Variants in MARK1 observed in about 807,000 individuals in gnomAD.
The protein encoded by MARK1 is serine/threonine-protein kinase MARK1.
A neutral mutation model predicts 96.3 loss-of-function variants in MARK1; 40 were observed. That is an observed-to-expected ratio of 0.42 (90% CI 0.32 to 0.54). The LOEUF (loss-of-function observed/expected upper bound fraction) is 0.54, where lower values mean the gene tolerates loss of function less well. Ranked by LOEUF, MARK1 falls within the 20% of genes least tolerant of loss-of-function variation. The pLI is 0.16. For missense variants in MARK1, 719 were observed against 984.6 expected, an observed-to-expected ratio of 0.73 and a Z score of 3.61; for synonymous variants, 317 against 341.2, an observed-to-expected ratio of 0.93 and a Z score of 0.78.
chr1:220,637,074 T>C (rs1668005813), intron 13 of MARK1, among the ~76,000 whole-genome samples: 1 of 152,176 alleles, frequency 6.6e-6, no homozygotes, highest in African/African-American at 2.4e-5. Flanking sequence ...ACAAAAACCA[T>C]GTTCTTTGGC....
Position 220,661,829 on chromosome 1 carries a change from C to G in MARK1, c.2051C>G (p.Pro684Arg). ...TDTSRSTSGE[P>R]KERDKEEGKD... ...TGTTCCAGAAGTACATCAGGGGAACCAAAAGAAAGAGACAAGGAAGAGGGT... is the reference window on the plus strand; with the variant it reads ...TGTTCCAGAAGTACATCAGGGGAACGAAAAGAAAGAGACAAGGAAGAGGGT... The change falls in exon 18 of 18, where the codon CCA becomes CGA. Residue 684 changes from proline to arginine, a missense_variant. Transcript: ENST00000366917. 6.2e-7 allele frequency: 1 copy of G among 1,607,478 alleles called. No individual in the cohort carries two copies. The highest frequency in any genetic ancestry group is 8.5e-7 in the Non-Finnish European group (1 of 1,176,076).
At chr1:220,565,610 T>C (rs1458436891) in intron 1 of MARK1, among the ~76,000 whole-genome samples, 1 of 150,340 alleles carries the variant, frequency 6.7e-6, no homozygotes, top group African/African-American at 2.5e-5. Context: ...TAACTGGGAG[T>C]GGGGAGGAAA....
At position 220,636,009 on chromosome 1, in the gene MARK1, T is replaced by C; in HGVS notation, c.1453T>C (p.Ser485Pro). The C allele has an allele frequency of 6.2e-7, 1 of 1,610,576 alleles. No individual in the cohort carries two copies. The highest frequency in any genetic ancestry group is 8.5e-7 in the Non-Finnish European group (1 of 1,178,636). ...TCTTGTAGGGCCAGAGAGGAAAAAA[T>C]CTTCAACTATTCCAAGTGTGAGTAA... is the stretch of plus-strand genomic sequence containing the variant. ...SPLVGPERKK[S>P]STIPSNNVYS... Residue 485 changes from serine to proline, a missense_variant, in exon 13 of 18, where the codon TCT becomes CCT. By Grantham distance (74) the Ser-to-Pro change is moderately conservative (BLOSUM62 -1). This residue lies in a region of MARK1 where 501 missense variants were observed against 588.3 expected (regional missense o/e 0.85). Transcript: ENST00000366917.
chr1:220,628,862 A>G (rs1667503504), intron 9 of MARK1, among the ~76,000 whole-genome samples: 1 of 151,928 alleles, frequency 6.6e-6, no homozygotes, highest in African/African-American at 2.4e-5. Flanking sequence ...CGAGGCAAGC[A>G]GATAACTTGA....
At chr1:220,575,140 A>G (rs1663746846) in intron 1 of MARK1, among the ~76,000 whole-genome samples, 1 of 152,236 alleles carries the variant, frequency 6.6e-6, no homozygotes, top group Non-Finnish European at 1.5e-5. Flanking sequence ...GGGATGCAGC[A>G]CTGAAGAGCT....
chr1:220,569,346 T>C (rs1288922783), intron 1 of MARK1, among the ~76,000 whole-genome samples: 2 of 152,122 alleles, frequency 1.3e-5, no homozygotes, highest in Admixed American at 6.6e-5. Flanking sequence ...AAGGAGAGTT[T>C]TTTAAAAAAT....
intron 6 of MARK1, among the ~76,000 whole-genome samples, chr1:220,610,608 C>T (rs1003012105): frequency 1.2e-4 from 18 of 152,282 alleles, no homozygotes; most frequent in African/African-American, 3.8e-4. Flanking sequence ...CAAGGAGCTG[C>T]GATCCTTTGG....
At chr1:220,533,952 C>T (rs1225361137) in intron 1 of MARK1, among the ~76,000 whole-genome samples, 3 of 151,956 alleles carry the variant, frequency 2.0e-5, no homozygotes, top group Non-Finnish European at 4.4e-5. Flanking sequence ...ACTATAGTTA[C>T]CATATATGTT....
At chr1:220,615,652 A>G (rs1666700642) in intron 6 of MARK1, among the ~76,000 whole-genome samples, 1 of 152,208 alleles carries the variant, frequency 6.6e-6, no homozygotes, top group Non-Finnish European at 1.5e-5. Flanking sequence ...ACATTCAGTC[A>G]CATAAACAGA....
chr1:220,597,575 A>T (rs1269933102), intron 3 of MARK1, among the ~76,000 whole-genome samples: 2 of 152,140 alleles, frequency 1.3e-5, no homozygotes, highest in African/African-American at 4.8e-5. Context: ...TTTAGATTTT[A>T]TTCTGATAAA....
chr1:220,543,545 A>G (rs560453631), intron 1 of MARK1, among the ~76,000 whole-genome samples: 4 of 152,198 alleles, frequency 2.6e-5, no homozygotes, highest in East Asian at 1.9e-4. Flanking sequence ...AGGCCATTCT[A>G]TGCCACAGAG....
Position 220,644,524 on chromosome 1 carries a change from G to A in MARK1, c.1471-6096G>A, listed in dbSNP as rs566186087. 1.0e-4 allele frequency among the ~76,000 whole-genome samples: 15 copies of A among 144,110 alleles called. No homozygotes were observed. In the South Asian group the frequency reaches 1.1e-3, roughly 11 times the overall value. 94.5% of individuals were successfully genotyped at this position (144,110 alleles called of 152,430 possible). On this transcript the variant is annotated intron_variant, in intron 13 of 17. Transcript: ENST00000366917. ...CACTGTCAGTATTAGACAGATCACC[G>A]AGACAGAAGATTAACAAGATACTCA... is the stretch of plus-strand genomic sequence containing the variant.
intron 3 of MARK1, among the ~76,000 whole-genome samples, chr1:220,587,221 C>G (rs898493374): frequency 2.6e-5 from 4 of 151,960 alleles, no homozygotes; most frequent in African/African-American, 9.7e-5. Flanking sequence ...TTAACATTGT[C>G]TTATAGTTTA....
chr1:220,534,766 A>ATACC (rs1213257658), intron 1 of MARK1, among the ~76,000 whole-genome samples: 1 of 152,160 alleles, frequency 6.6e-6, no homozygotes, highest in African/African-American at 2.4e-5. Flanking sequence ...CAAAAATGGG[A>ATACC]TCATGTAACA....
chr1:220,657,207 G>C (rs562159021), intron 16 of MARK1, among the ~76,000 whole-genome samples: 2 of 152,238 alleles, frequency 1.3e-5, no homozygotes, highest in South Asian at 4.1e-4. Flanking sequence ...TGGATATCCA[G>C]GTAAGGTCAG....
At chr1:220,615,758 G>C (rs1666705868) in intron 6 of MARK1, among the ~76,000 whole-genome samples, 181 bp from the exon 7 acceptor site, 1 of 151,940 alleles carries the variant, frequency 6.6e-6, no homozygotes, top group African/African-American at 2.4e-5. Flanking sequence ...CATATTTTCT[G>C]CATTTAACAG....
chr1:220,589,397 A>G (rs983976398), intron 3 of MARK1, among the ~76,000 whole-genome samples: 6 of 152,202 alleles, frequency 3.9e-5, no homozygotes, highest in Non-Finnish European at 7.3e-5. Flanking sequence ...AGAAAAGGAA[A>G]ATGCACATAA....
chr1:220,635,711 A>T, intron 12 of MARK1, 122 bp from the exon 13 acceptor site: 1 of 1,143,632 alleles, frequency 8.7e-7, no homozygotes, highest in South Asian at 1.7e-5. Flanking sequence ...ATCAAAATTT[A>T]ATCTTCGTTC....
At chr1:220,534,686 T>C (rs1475090876) in intron 1 of MARK1, among the ~76,000 whole-genome samples, 1 of 152,126 alleles carries the variant, frequency 6.6e-6, no homozygotes, top group African/African-American at 2.4e-5. Flanking sequence ...TATTTCCCTT[T>C]CTTTCCAGAC....
Sources: allele counts gnomAD v4.1 joint callset (sites outside exome capture counted in the v4.1 genomes callset), GRCh38; gene constraint gnomAD v4.1.1; regional missense constraint gnomAD v4.1.1; transcripts MANE v1.5; gene names NCBI Gene and HGNC (gene_info 2026-07-23, HGNC 2026-07-21).